Variants in RNF220 observed in about 807,000 individuals in gnomAD.
The protein encoded by RNF220 is ring finger protein 220, also known as E3 ubiquitin-protein ligase RNF220.
Under a neutral mutation model 67.1 loss-of-function variants are expected in RNF220, and 7 were observed. The observed-to-expected ratio is 0.10, with a 90% CI of 0.06 to 0.20. RNF220 has a LOEUF of 0.20. Among genes scored for constraint, RNF220 ranks in the 10% least tolerant of loss-of-function variants. The probability of loss-of-function intolerance (pLI) is 1.00; values close to 1 mark genes in which losing one functional copy is unlikely to be tolerated. For missense variants in RNF220, 565 were observed against 740.3 expected (o/e 0.76, Z 2.75); for synonymous variants, 270 against 283.2 (o/e 0.95, Z 0.47).
rs1253648712 is a variant in RNF220 at position 44,650,708 on chromosome 1, C to T, written c.1634C>T (p.Ala545Val). 1 of 1,613,862 alleles carries T rather than the reference C, an allele frequency of 6.2e-7. No homozygotes were observed. Among genetic ancestry groups the T allele is most frequent in the East Asian group, 2.2e-5 (1 of 44,888 alleles). ...CEECWLRTLG[A>V]KKLCPQCNTI... is the part of the protein sequence containing the mutation. ...CCCTCCCTGTTCTCCCTGCAGGGTGCCAAGAAGCTCTGCCCTCAGTGCAAC... is the reference window on the plus strand; with the variant it reads ...CCCTCCCTGTTCTCCCTGCAGGGTGTCAAGAAGCTCTGCCCTCAGTGCAAC... The change falls in exon 15 of 15, where the codon GCC becomes GTC. Residue 545 changes from alanine (A) to valine (V), a missense_variant. By Grantham distance (64) the Ala-to-Val change is moderately conservative. Coordinates refer to ENST00000361799, the MANE Select transcript of RNF220 (RefSeq NM_018150.4). The surrounding 1 kb of genome is among the most constrained non-coding windows in gnomAD (Gnocchi z 4.3).
At chr1:44,629,753 G>C (rs1269464806) in intron 5 of RNF220, among the ~76,000 whole-genome samples, 1 of 152,176 alleles carries the variant, frequency 6.6e-6, no homozygotes, top group African/African-American at 2.4e-5. Flanking sequence ...GAAAATCAGA[G>C]TAAGCTTCAC....
intron 8 of RNF220, among the ~76,000 whole-genome samples, chr1:44,637,139 T>G (rs1644353447): frequency 6.6e-6 from 1 of 152,190 alleles, no homozygotes; most frequent in Non-Finnish European, 1.5e-5. Flanking sequence ...TGGGAAGAAG[T>G]TCTCTGCCTT....
At chr1:44,617,742 A>G (rs1302535560) in intron 3 of RNF220, among the ~76,000 whole-genome samples, 3 of 152,204 alleles carry the variant, frequency 2.0e-5, no homozygotes, top group Non-Finnish European at 1.5e-5. Flanking sequence ...AGATGGGGAA[A>G]CTGAGGCCCG....
At chr1:44,466,252 C>G (rs916209820) in intron 2 of RNF220, among the ~76,000 whole-genome samples, 2 of 152,166 alleles carry the variant, frequency 1.3e-5, no homozygotes, top group Non-Finnish European at 2.9e-5. Context: ...TTCAGGTTTT[C>G]TTATGAGATT....
intron 2 of RNF220, among the ~76,000 whole-genome samples, chr1:44,577,471 A>G (rs1012827057): frequency 1.3e-5 from 2 of 152,130 alleles, no homozygotes; most frequent in Admixed American, 1.3e-4. Flanking sequence ...CTTTATCACC[A>G]CTTTATGTGT....
intron 2 of RNF220, among the ~76,000 whole-genome samples, chr1:44,491,902 G>C (rs547659298): frequency 1.0e-3 from 152 of 152,288 alleles, no homozygotes; most frequent in Non-Finnish European, 1.8e-3. Context: ...GGTCTCAAGT[G>C]ATCCACCCGC....
In RNF220 at chr1:44,636,072, G is replaced by A. The variant is rs750632641; in HGVS notation, c.1036G>A (p.Glu346Lys). Reference protein sequence around the residue: ...CMAEDDAVDIEHENNNRFEEY... With the variant: ...CMAEDDAVDIKHENNNRFEEY... ...GGCTGAGGATGATGCTGTGGACATC[G>A]AGCATGAGAACAACAACCGCTTTGA... The change falls in exon 8 of 15, where the codon GAG (glutamate) becomes AAG (lysine). Residue 346 changes from glutamate (E) to lysine (K), a missense_variant. By Grantham distance (56) the Glu-to-Lys change is moderately conservative. Coordinates refer to ENST00000361799, the MANE Select transcript of RNF220 (RefSeq NM_018150.4). 12 of 1,614,110 alleles carry A rather than the reference G, an allele frequency of 7.4e-6. No individual in the cohort carries two copies. The highest frequency in any genetic ancestry group is 5.3e-5 in the African/African-American group (4 of 74,926).
chr1:44,650,819 C>T lies in RNF220; in HGVS notation c.*44C>T, dbSNP rs1453116954. 1 of 1,562,272 alleles carries T rather than the reference C, an allele frequency of 6.4e-7. No homozygotes were observed. Among genetic ancestry groups the T allele is most frequent in the South Asian group, 1.1e-5 (1 of 90,156 alleles). ...GCCTCGCCTCCAGCAGCCCCACCTG[C>T]CCCCAGCCTCTGTGACAGTGACCGT... is the stretch of plus-strand genomic sequence containing the variant. On this transcript the variant is annotated 3_prime_UTR_variant, in exon 15 of 15. Transcript: ENST00000361799. The surrounding 1 kb of genome is among the most constrained non-coding windows in gnomAD (Gnocchi z 4.3).
chr1:44,494,175 C>T (rs1271291175), intron 2 of RNF220, among the ~76,000 whole-genome samples: 1 of 138,622 alleles, frequency 7.2e-6, no homozygotes, highest in Non-Finnish European at 1.5e-5. Context: ...CATTGCACTC[C>T]AGCCTGGGCA....
chr1:44,598,650 C>T (rs1457750694), intron 2 of RNF220, among the ~76,000 whole-genome samples: 2 of 141,704 alleles, frequency 1.4e-5, no homozygotes, highest in Non-Finnish European at 3.1e-5. Flanking sequence ...TCTAGGAGCA[C>T]GTGACTGGCC....
intron 2 of RNF220, among the ~76,000 whole-genome samples, chr1:44,501,056 G>T (rs926524656): frequency 6.6e-6 from 1 of 151,594 alleles, no homozygotes; most frequent in African/African-American, 2.4e-5. Context: ...GTGGGGGTGG[G>T]GGTGGGGGTG....
At chr1:44,640,134 G>A (rs752913857) in intron 8 of RNF220, among the ~76,000 whole-genome samples, 2 of 152,238 alleles carry the variant, frequency 1.3e-5, no homozygotes, top group Non-Finnish European at 2.9e-5. Flanking sequence ...AAACTTCAGC[G>A]CCAGAAGTAT....
In RNF220 at chr1:44,601,811, T is replaced by G. The variant is rs564278051; in HGVS notation, c.626-12354T>G. On this transcript the variant is annotated intron_variant, in intron 2 of 14. Coordinates refer to ENST00000361799, the MANE Select transcript of RNF220 (RefSeq NM_018150.4). ...AAGGATTGTTTAGTGGTGCTGAGAT[T>G]GGAAACTGTGAATTTTTATTGGCAC... is the stretch of plus-strand genomic sequence containing the variant. Among the ~76,000 whole-genome samples the G allele has an allele frequency of 3.9e-5, 6 of 152,282 alleles. No individual in the cohort carries two copies. In the South Asian group the frequency reaches 1.0e-3, roughly 26 times the overall value.
Position 44,622,667 on chromosome 1 carries a change from T to A in RNF220, c.759-75T>A. The A allele has an allele frequency of 7.4e-7, 1 of 1,344,052 alleles. No individual in the cohort carries two copies. The highest frequency in any genetic ancestry group is 1.1e-6 in the Non-Finnish European group (1 of 936,200). The allele number at this position is 1,344,052 out of a possible 1,614,324, so 83.3% of individuals were successfully genotyped here. On this transcript the variant is annotated intron_variant, in intron 3 of 14. Transcript: ENST00000361799. The surrounding 1 kb of genome is among the most constrained non-coding windows in gnomAD (Gnocchi z 4.3). ...GTCTATGCCTTCTCTGTCTTTGGGG[T>A]CTTCTTGCTACTCTACCGTTGCATG...
chr1:44,637,894 G>C (rs533295057), intron 8 of RNF220, among the ~76,000 whole-genome samples: 1 of 152,374 alleles, frequency 6.6e-6, no homozygotes, highest in Non-Finnish European at 1.5e-5. Context: ...AATTGCTCCA[G>C]CTTTCCTGAT....
intron 2 of RNF220, among the ~76,000 whole-genome samples, chr1:44,609,751 C>T (rs1353728546): frequency 6.6e-6 from 1 of 152,368 alleles, no homozygotes; most frequent in African/African-American, 2.4e-5. Context: ...GACCTCTTCT[C>T]TCCTCCTCGA....
chr1:44,423,979 G>A (rs1012139942), intron 2 of RNF220: 72 of 985,244 alleles, frequency 7.3e-5, no homozygotes, highest in East Asian at 2.3e-4. Context: ...CACCATCCCC[G>A]CTGTGGTTTT....
chr1:44,459,316 C>CTT (rs1653521903), intron 2 of RNF220, among the ~76,000 whole-genome samples: 1 of 152,068 alleles, frequency 6.6e-6, no homozygotes, highest in Non-Finnish European at 1.5e-5. Flanking sequence ...TTCTTCCCAA[C>CTT]CTCTCAGCCT....
intron 2 of RNF220, among the ~76,000 whole-genome samples, chr1:44,445,547 C>T (rs1351512747): frequency 1.3e-5 from 2 of 152,030 alleles, no homozygotes; most frequent in Admixed American, 1.3e-4. Context: ...CCATCTCTAC[C>T]AATGCTTGTT....
Sources: allele counts gnomAD v4.1 joint callset (sites outside exome capture counted in the v4.1 genomes callset), GRCh38; gene constraint gnomAD v4.1.1; non-coding constraint Gnocchi (gnomAD v3.1); transcripts MANE v1.5; gene names NCBI Gene and HGNC (gene_info 2026-07-23, HGNC 2026-07-21).